ITPR1: variants seen among roughly 807,000 people sequenced by gnomAD.
ITPR1 encodes inositol 1,4,5-trisphosphate-gated calcium channel ITPR1.
A neutral mutation model predicts 318.4 loss-of-function variants in ITPR1; 96 were observed. The observed-to-expected ratio is 0.30, with a 90% CI of 0.26 to 0.36. The LOEUF (loss-of-function observed/expected upper bound fraction) is 0.36. Among genes scored for constraint, ITPR1 ranks in the 10% least tolerant of loss-of-function variants. ITPR1 has a pLI of 1.00. For synonymous variants in ITPR1, 1,312 were observed against 1,289.9 expected (o/e 1.02, Z -0.37); for missense variants, 2,440 against 3,460.2 (o/e 0.71, Z 7.40).
chr3:4,785,309 C>G (rs2125402327), intron 51 of ITPR1, among the ~76,000 whole-genome samples: 1 of 152,294 alleles, frequency 6.6e-6, no homozygotes, highest in East Asian at 1.9e-4. Context: ...CTTTCAGAAT[C>G]CAAGAGAACA....
At chr3:4,614,273 A>G (rs1389420845) in intron 4 of ITPR1, among the ~76,000 whole-genome samples, 2 of 152,232 alleles carry the variant, frequency 1.3e-5, no homozygotes, top group Non-Finnish European at 2.9e-5. Context: ...CTTAAAAAAC[A>G]AAAACAAATA....
chr3:4,621,012 C>G (rs912278842), intron 4 of ITPR1, among the ~76,000 whole-genome samples: 6 of 151,860 alleles, frequency 4.0e-5, no homozygotes, highest in African/African-American at 1.5e-4. Flanking sequence ...CTCAGCATTT[C>G]AGCTTGGATG....
chr3:4,742,116 GC>G (rs2043749237), intron 44 of ITPR1, among the ~76,000 whole-genome samples: 1 of 152,132 alleles, frequency 6.6e-6, no homozygotes, highest in Non-Finnish European at 1.5e-5. Context: ...AGAAATGGTG[GC>G]GTAAAGGTTA....
chr3:4,535,363 G>C (rs987510495), intron 4 of ITPR1, among the ~76,000 whole-genome samples: 1 of 151,704 alleles, frequency 6.6e-6, no homozygotes, highest in Admixed American at 6.6e-5. Context: ...GTTGGGCTAG[G>C]ATTCTGATAA....
chr3:4,748,505 G>A (rs1459771156), intron 44 of ITPR1, among the ~76,000 whole-genome samples: 1 of 152,004 alleles, frequency 6.6e-6, no homozygotes, highest in Non-Finnish European at 1.5e-5. Context: ...CTTTCTTGTG[G>A]GTAGCTTCCT....
intron 37 of ITPR1, among the ~76,000 whole-genome samples, chr3:4,709,905 T>C (rs2041225787): frequency 6.6e-6 from 1 of 152,202 alleles, no homozygotes; most frequent in African/African-American, 2.4e-5. Flanking sequence ...AAACCAGTAG[T>C]AATGTTTTAA....
At chr3:4,665,682 CTTTAT>C (rs1431513315) in intron 17 of ITPR1, among the ~76,000 whole-genome samples, 2 of 151,948 alleles carry the variant, frequency 1.3e-5, no homozygotes, top group East Asian at 1.9e-4. Context: ...GAAACATGAT[CTTTAT>C]TTTGTTTCTG....
chr3:4,814,258 C>T (rs1054867718), intron 57 of ITPR1, 165 bp from the exon 58 acceptor site: 13 of 735,696 alleles, frequency 1.8e-5, no homozygotes, highest in African/African-American at 7.0e-5. Context: ...TTGCCCCAGA[C>T]GACTTTAGCT....
intron 5 of ITPR1, among the ~76,000 whole-genome samples, chr3:4,638,672 A>G (rs919181948): frequency 3.9e-5 from 6 of 152,234 alleles, no homozygotes; most frequent in African/African-American, 1.4e-4. Context: ...GGGTATAACA[A>G]ATCCCTTTCC....
intron 4 of ITPR1, among the ~76,000 whole-genome samples, chr3:4,549,726 C>A (rs983534115): frequency 1.4e-4 from 22 of 152,148 alleles, no homozygotes; most frequent in African/African-American, 4.8e-4. Context: ...TAGCCTCTGG[C>A]CCTTTTTTCC....
chr3:4,566,776 G>A (rs1407236221), intron 4 of ITPR1, among the ~76,000 whole-genome samples: 1 of 152,124 alleles, frequency 6.6e-6, no homozygotes, highest in Non-Finnish European at 1.5e-5. Context: ...CTGGGCCTGG[G>A]CCTTGGCCAC....
At chr3:4,718,833 T>C (rs1018647489) in intron 40 of ITPR1, among the ~76,000 whole-genome samples, 1 of 152,228 alleles carries the variant, frequency 6.6e-6, no homozygotes, top group African/African-American at 2.4e-5. Context: ...TTCCGGGTTA[T>C]TTATATGCCA....
At chr3:4,619,888 T>G (rs1277105054) in intron 4 of ITPR1, among the ~76,000 whole-genome samples, 1 of 149,904 alleles carries the variant, frequency 6.7e-6, no homozygotes, top group African/African-American at 2.5e-5. Flanking sequence ...CATTTCTCTT[T>G]GTTTTTTGTT....
At chr3:4,670,698 G>T in intron 19 of ITPR1, 31 bp from the exon 20 acceptor site, 2 of 1,444,920 alleles carry the variant, frequency 1.4e-6, no homozygotes, top group Non-Finnish European at 1.9e-6. Flanking sequence ...TTTAAAAATA[G>T]TAACTTTTCC....
intron 2 of ITPR1, among the ~76,000 whole-genome samples, chr3:4,513,127 G>A (rs1052243875): frequency 1.3e-5 from 2 of 152,144 alleles, no homozygotes; most frequent in Non-Finnish European, 2.9e-5. Flanking sequence ...AAAGAGGCGG[G>A]CTCTCCCACC....
intron 4 of ITPR1, among the ~76,000 whole-genome samples, chr3:4,579,682 T>C (rs2089088193): frequency 6.6e-6 from 1 of 152,200 alleles, no homozygotes; most frequent in South Asian, 2.1e-4. Flanking sequence ...GAAAGTATAT[T>C]GAGTCAGGGT....
chr3:4,661,927 AG>A (rs2093842459), intron 14 of ITPR1, among the ~76,000 whole-genome samples, 154 bp from the exon 15 acceptor site: 1 of 152,024 alleles, frequency 6.6e-6, no homozygotes. Flanking sequence ...AACCATTTGG[AG>A]TACGTCCTTG....
At chr3:4,611,803 A>C (rs1478586300) in intron 4 of ITPR1, among the ~76,000 whole-genome samples, 1 of 152,140 alleles carries the variant, frequency 6.6e-6, no homozygotes, top group African/African-American at 2.4e-5. Flanking sequence ...GGTTTTTATG[A>C]AAATTTTACA....
chr3:4,720,458 T>C (rs551746288), intron 40 of ITPR1, among the ~76,000 whole-genome samples: 1 of 152,220 alleles, frequency 6.6e-6, no homozygotes, highest in Non-Finnish European at 1.5e-5. Flanking sequence ...AGCGAAGTAC[T>C]CCCGAGGTGG....
Sources: allele counts gnomAD v4.1 joint callset (sites outside exome capture counted in the v4.1 genomes callset), GRCh38; gene constraint gnomAD v4.1.1; transcripts MANE v1.5; gene names NCBI Gene and HGNC (gene_info 2026-07-23, HGNC 2026-07-21).